LIN52: variants seen among roughly 807,000 people sequenced by gnomAD.
LIN52 encodes protein lin-52 homolog.
LIN52 carries 4 observed loss-of-function variants against 18.5 expected under a neutral mutation model. The observed-to-expected ratio is 0.22, with a 90% CI of 0.11 to 0.49. The LOEUF is 0.49. Ranked by LOEUF, LIN52 falls within the 20% of genes least tolerant of loss-of-function variation. The probability of loss-of-function intolerance (pLI) is 0.97; values close to 1 mark genes in which losing one functional copy is unlikely to be tolerated. For missense variants in LIN52, 102 were observed against 139.5 expected (o/e 0.73, Z 1.35); for synonymous variants, 34 against 45.5 (o/e 0.75, Z 1.02).
At chr14:74,180,917 TGAGCAA>T (rs1566868708) in intron 5 of LIN52, among the ~76,000 whole-genome samples, 2 of 151,644 alleles carry the variant, frequency 1.3e-5, no homozygotes, top group Admixed American at 1.3e-4. Flanking sequence ...AAGACCAGCC[TGAGCAA>T]CGTAGTGAGA....
chr14:74,146,308 A>G (rs2358626), intron 5 of LIN52, among the ~76,000 whole-genome samples: 117,939 of 152,044 alleles, frequency 0.78, 46,071 homozygotes, highest in Admixed American at 0.81. Context: ...TGTGCCAACC[A>G]TAAGAAAAAT....
chr14:74,086,199 A>G (rs1002005337), intron 1 of LIN52, among the ~76,000 whole-genome samples: 17 of 152,118 alleles, frequency 1.1e-4, no homozygotes, highest in African/African-American at 4.1e-4. Context: ...TGTCTTGTTC[A>G]TAGTTGGATC....
intron 5 of LIN52, among the ~76,000 whole-genome samples, chr14:74,169,232 A>G (rs377095607): frequency 6.6e-6 from 1 of 152,110 alleles, no homozygotes; most frequent in Non-Finnish European, 1.5e-5. Flanking sequence ...TTCTTTTTCT[A>G]CTGTTTCAAG....
At chr14:74,184,825 A>T (rs2061334180) in intron 5 of LIN52, among the ~76,000 whole-genome samples, 1 of 152,112 alleles carries the variant, frequency 6.6e-6, no homozygotes, top group Admixed American at 6.6e-5. Context: ...GATCTATTAC[A>T]ATCATTATTC....
At chr14:74,167,542 A>G (rs1288065578) in intron 5 of LIN52, among the ~76,000 whole-genome samples, 1 of 152,188 alleles carries the variant, frequency 6.6e-6, no homozygotes, top group Non-Finnish European at 1.5e-5. Context: ...TTGGGATTAC[A>G]GGTGTGAGCC....
chr14:74,093,516 AG>A (rs1216512885), intron 2 of LIN52, among the ~76,000 whole-genome samples: 1 of 151,534 alleles, frequency 6.6e-6, no homozygotes, highest in African/African-American at 2.4e-5. Context: ...AGTAGAGAAG[AG>A]GCTTCACCAT....
rs535847762 is a variant in LIN52, at chr14:74,144,346, C to T, written c.283+43108C>T. Among the ~76,000 whole-genome samples the T allele has an allele frequency of 5.2e-4, 79 of 151,782 alleles. 2 individuals are homozygous for T. The South Asian group carries it at 0.016, about 31-fold the overall frequency. The stretch of plus-strand genomic sequence containing the variant: ...CTCACTTTGTTGCCCAGGCTGGTCT[C>T]GAACTCCTGGGCTCAATCAATCCTC... On this transcript the variant is annotated intron_variant, in intron 5 of 5. Transcript: ENST00000555028.
chr14:74,114,207 T>TGTGTGTGTGC, intron 5 of LIN52: 1 of 984,266 alleles, frequency 1.0e-6, no homozygotes, highest in Admixed American at 6.2e-5. Flanking sequence ...TGTGTGTGTG[T>TGTGTGTGTGC]GTGTGTAGTT....
intron 5 of LIN52, among the ~76,000 whole-genome samples, chr14:74,182,781 C>G (rs1393835897): frequency 1.3e-5 from 2 of 152,176 alleles, no homozygotes; most frequent in African/African-American, 4.8e-5. Flanking sequence ...ACCAAGGACT[C>G]TTTCTCTCCA....
chr14:74,148,675 C>T (rs75120210), intron 5 of LIN52, among the ~76,000 whole-genome samples: 1,679 of 152,246 alleles, frequency 0.011, 8 homozygotes, highest in Non-Finnish European at 0.018. Context: ...TTTGATTAAC[C>T]TGCAAAAATT....
chr14:74,102,933 A>C (rs1041148600), intron 5 of LIN52, among the ~76,000 whole-genome samples: 4 of 149,356 alleles, frequency 2.7e-5, no homozygotes, highest in African/African-American at 4.8e-5. Flanking sequence ...GCCCAGCTTC[A>C]GTAATCAACA....
Position 74,109,070 on chromosome 14 carries a change from T to C in LIN52, c.283+7832T>C, listed in dbSNP as rs10150814. On this transcript the variant is annotated intron_variant, in intron 5 of 5. Transcript: ENST00000555028. ...TTGATTCATTTTAAGTTAATTTTTATATTTGGTGTGAGATAGGGATCTAAA... is the reference window on the plus strand; with the variant it reads ...TTGATTCATTTTAAGTTAATTTTTACATTTGGTGTGAGATAGGGATCTAAA... Among the ~76,000 whole-genome samples, 1,262 of 152,334 alleles carry C rather than the reference T, an allele frequency of 8.3e-3. 17 individuals are homozygous for C. Among genetic ancestry groups the C allele is most frequent in the African/African-American group, 0.029 (1,198 of 41,578 alleles).
chr14:74,138,749 GAC>G (rs2061112246), intron 5 of LIN52, among the ~76,000 whole-genome samples: 1 of 135,154 alleles, frequency 7.4e-6, no homozygotes, highest in African/African-American at 2.8e-5. Flanking sequence ...CAGCCTGGGA[GAC>G]AGAGTGAGAC....
At chr14:74,149,794 T>C (rs897490726) in intron 5 of LIN52, among the ~76,000 whole-genome samples, 1 of 152,146 alleles carries the variant, frequency 6.6e-6, no homozygotes, top group African/African-American at 2.4e-5. Context: ...AGAAACTTAC[T>C]GGTAAATTGG....
intron 5 of LIN52, among the ~76,000 whole-genome samples, chr14:74,197,382 T>C (rs899632032): frequency 6.6e-5 from 10 of 152,216 alleles, no homozygotes; most frequent in Non-Finnish European, 1.3e-4. Flanking sequence ...TTAACATCTC[T>C]GATGACAAGT....
intron 5 of LIN52, among the ~76,000 whole-genome samples, chr14:74,173,470 A>G (rs1306407103): frequency 6.6e-6 from 1 of 152,188 alleles, no homozygotes; most frequent in Non-Finnish European, 1.5e-5. Flanking sequence ...TACAGGCATG[A>G]GCCATCGTGC....
intron 5 of LIN52, among the ~76,000 whole-genome samples, chr14:74,143,166 A>C (rs990713104): frequency 5.3e-5 from 8 of 152,174 alleles, no homozygotes; most frequent in African/African-American, 1.2e-4. Context: ...AGCTTTGTGC[A>C]TAACACCTAT....
intron 5 of LIN52, among the ~76,000 whole-genome samples, chr14:74,122,405 T>A (rs2061005261): frequency 6.6e-6 from 1 of 152,130 alleles, no homozygotes. Context: ...ATGAAGCAAG[T>A]GTGTAATGTT....
At chr14:74,198,008 G>A (rs905887513) in intron 5 of LIN52, among the ~76,000 whole-genome samples, 16 of 152,204 alleles carry the variant, frequency 1.1e-4, no homozygotes, top group African/African-American at 3.9e-4. Flanking sequence ...CGTGCCTACT[G>A]CATGGTTCCA....
Sources: allele counts gnomAD v4.1 joint callset (sites outside exome capture counted in the v4.1 genomes callset), GRCh38; gene constraint gnomAD v4.1.1; transcripts MANE v1.5; gene names NCBI Gene and HGNC (gene_info 2026-07-23, HGNC 2026-07-21).